The following IAH1 variants were observed in gnomAD, a reference collection of about 807,000 sequenced individuals.
IAH1 encodes the protein isoamyl acetate-hydrolyzing esterase 1 homolog.
A neutral mutation model predicts 26.7 loss-of-function variants in IAH1; 24 were observed. The ratio of observed to expected loss-of-function variants is 0.90; its 90% CI spans 0.65 to 1.26. IAH1 has a LOEUF of 1.26. Ranked by LOEUF, IAH1 falls within the 50% of genes most tolerant of loss-of-function variation. The pLI, the probability that IAH1 is intolerant of heterozygous loss-of-function variation, is 0.00. For synonymous variants in IAH1, 140 were observed against 118.5 expected (o/e 1.18, Z -1.18); for missense variants, 300 against 299.9 (o/e 1.00, Z 0.00).
chr2:9,474,801 C>T lies in IAH1; in HGVS notation c.81+154C>T. 3.5e-6 allele frequency: 2 copies of T among 572,094 alleles called. No homozygotes were observed. Among genetic ancestry groups the T allele is most frequent in the Non-Finnish European group, 5.4e-6 (2 of 368,734 alleles). The allele number at this position is 572,094 out of a possible 1,614,324, so 35.4% of individuals were successfully genotyped here. A position where few individuals can be genotyped will look rare whatever the true frequency, so the allele number is the denominator to read the frequency against. Reference sequence around the variant, plus strand: ...GGAGACACCGGAGGAGTGGCGGGTCCCCCAGTGGCTGCGCCTTCCGGGCCC... The same window carrying T: ...GGAGACACCGGAGGAGTGGCGGGTCTCCCAGTGGCTGCGCCTTCCGGGCCC... On this transcript the variant is annotated intron_variant, in intron 1 of 5. Transcript: ENST00000497473. This position sits in a 1 kb window ranked among gnomAD's most constrained non-coding sequence, Gnocchi z 4.3.
chr2:9,509,758 A>G, the IAH1 span, among the ~76,000 whole-genome samples: 4 of 152,182 alleles, frequency 2.6e-5, no homozygotes, highest in African/African-American at 9.7e-5. Context: ...TCAAATCTAC[A>G]CCATTAAGCT....
chr2:9,487,821 TGTGTGTGTGTGTGCGCGCGCGC>T (rs1169877058), intron 5 of IAH1, among the ~76,000 whole-genome samples: 127 of 92,316 alleles, frequency 1.4e-3, no homozygotes, highest in African/African-American at 4.8e-3. Context: ...TGTGTGTGTG[TGTGTGTGTGTGTGCGCGCGCGC>T]GCGCGCGCTG....
rs1379253283 is a variant in IAH1, at chr2:9,476,030, G to A, written c.125G>A (p.Arg42Lys). 1.2e-6 allele frequency: 2 copies of A among 1,613,580 alleles called. No individual in the cohort carries two copies. Among genetic ancestry groups the A allele is most frequent in the East Asian group, 2.2e-5 (1 of 44,892 alleles). The change falls in exon 2 of 6, where the codon AGG becomes AAG. Residue 42 changes from arginine (R) to lysine (K), a missense_variant. Arg to Lys is a conservative substitution (Grantham distance 26, BLOSUM62 2). Coordinates refer to ENST00000497473, the MANE Select transcript of IAH1 (RefSeq NM_001039613.3). ...QGGWGASLAD[R>K]LVRKCDVLNR... ...GGATGGGGAGCATCGCTGGCTGACAGGCTGGTCAGGTGAGAATGGTTTCCG... is the reference window on the plus strand; with the variant it reads ...GGATGGGGAGCATCGCTGGCTGACAAGCTGGTCAGGTGAGAATGGTTTCCG...
downstream of IAH1, chr2:9,497,084 T>C (rs1438951354): frequency 1.2e-6 from 2 of 1,607,064 alleles, no homozygotes; most frequent in Admixed American, 1.7e-5. Context: ...TGTTTTCTCC[T>C]GCTGCTGGAC....
At chr2:9,493,668 C>T (rs776875636), downstream of IAH1, 32 of 1,249,194 alleles carry the variant, frequency 2.6e-5, no homozygotes, top group Non-Finnish European at 3.6e-5. Flanking sequence ...TAAAGCACAT[C>T]ACTCTGAAAG....
At chr2:9,497,647 T>C (rs1456952150), downstream of IAH1, among the ~76,000 whole-genome samples, 1 of 152,234 alleles carries the variant, frequency 6.6e-6, no homozygotes, top group East Asian at 1.9e-4. Context: ...CACAGCCCAC[T>C]GCTTTGGCTA....
the IAH1 span, chr2:9,505,103 TTC>T: frequency 6.4e-7 from 1 of 1,551,004 alleles, no homozygotes; most frequent in Non-Finnish European, 8.9e-7. Flanking sequence ...AAGTTCAGTC[TTC>T]TCTTATTTTG....
Position 9,488,883 on chromosome 2 carries a change from T to C in IAH1, c.*554T>C, listed in dbSNP as rs899767676. On this transcript the variant is annotated 3_prime_UTR_variant, in exon 6 of 6. Coordinates refer to ENST00000497473, the MANE Select transcript of IAH1 (RefSeq NM_001039613.3). ...AATTTACAAGTTAAAATGTTTTGGC[T>C]GGTGAGCACATTTCAGTTCTTAGGG... is the stretch of plus-strand genomic sequence containing the variant. The C allele has an allele frequency of 6.6e-6, 1 of 152,240 alleles. No individual in the cohort carries two copies. Among genetic ancestry groups the C allele is most frequent in the Non-Finnish European group, 1.5e-5 (1 of 68,044 alleles). The allele number at this position is 152,240 out of a possible 1,614,324, so 9.4% of individuals were successfully genotyped here.
At chr2:9,494,705 C>T (rs756129840), downstream of IAH1, 18 of 1,613,948 alleles carry the variant, frequency 1.1e-5, no homozygotes, top group Middle Eastern at 1.6e-4. Flanking sequence ...TGTTCAGCAT[C>T]GACATAGGGC....
chr2:9,508,232 C>G, the IAH1 span, among the ~76,000 whole-genome samples: 1 of 152,126 alleles, frequency 6.6e-6, no homozygotes, highest in Non-Finnish European at 1.5e-5. Flanking sequence ...TGTTCCTAGT[C>G]ACATATTTTA....
chr2:9,503,310 CT>C, the IAH1 span, among the ~76,000 whole-genome samples: 1 of 152,088 alleles, frequency 6.6e-6, no homozygotes. Flanking sequence ...AAGTTTAACC[CT>C]TTTACTTCTA....
chr2:9,503,323 G>T, the IAH1 span, among the ~76,000 whole-genome samples: 3 of 152,126 alleles, frequency 2.0e-5, no homozygotes, highest in African/African-American at 7.2e-5. Flanking sequence ...TTACTTCTAA[G>T]CCAGGCACTG....
At chr2:9,495,329 TA>T (rs1662492202) in intron 6 of IAH1, among the ~76,000 whole-genome samples, 1 of 152,228 alleles carries the variant, frequency 6.6e-6, no homozygotes, top group African/African-American at 2.4e-5. Flanking sequence ...CATGTGGGCA[TA>T]CATAAGAATG....
chr2:9,476,850 C>T (rs1314771214), intron 2 of IAH1, among the ~76,000 whole-genome samples: 2 of 152,160 alleles, frequency 1.3e-5, no homozygotes, highest in Admixed American at 6.5e-5. Flanking sequence ...TGCTCCAGGC[C>T]ACCTGGATGT....
At chr2:9,502,120 GACAC>G in the IAH1 span, 1 of 1,443,798 alleles carries the variant, frequency 6.9e-7, no homozygotes, top group South Asian at 1.2e-5. Flanking sequence ...GTTTTTCAAA[GACAC>G]ACACACACTT....
downstream of IAH1, among the ~76,000 whole-genome samples, chr2:9,496,746 A>G (rs112486524): frequency 1.1e-4 from 16 of 152,242 alleles, no homozygotes; most frequent in Non-Finnish European, 2.2e-4. Context: ...TTCCATGCCA[A>G]TGTAATGTAG....
downstream of IAH1, among the ~76,000 whole-genome samples, chr2:9,497,505 C>T (rs915473381): frequency 1.3e-5 from 2 of 152,216 alleles, no homozygotes; most frequent in African/African-American, 2.4e-5. Context: ...TCCACTTCTG[C>T]ATCTCACAGT....
At chr2:9,510,422 T>A in the IAH1 span, among the ~76,000 whole-genome samples, 1 of 152,066 alleles carries the variant, frequency 6.6e-6, no homozygotes. Context: ...TCCCAGCACT[T>A]TGGGAGGCTG....
At chr2:9,504,653 T>C in the IAH1 span, among the ~76,000 whole-genome samples, 1 of 148,612 alleles carries the variant, frequency 6.7e-6, no homozygotes, top group Admixed American at 6.8e-5. Context: ...GTCCCACTAC[T>C]CAGGAGGCTA....
Sources: allele counts gnomAD v4.1 joint callset (sites outside exome capture counted in the v4.1 genomes callset), GRCh38; gene constraint gnomAD v4.1.1; non-coding constraint Gnocchi (gnomAD v3.1); transcripts MANE v1.5; gene names NCBI Gene and HGNC (gene_info 2026-07-23, HGNC 2026-07-21).